Variants in DRD2 observed in about 807,000 individuals in gnomAD.
DRD2 encodes dopamine receptor D2.
DRD2 carries 8 observed loss-of-function variants against 38.0 expected under a neutral mutation model. That is an observed-to-expected ratio of 0.21 (90% CI 0.12 to 0.38). The LOEUF is 0.38. DRD2 is among the 10% of genes least tolerant of loss of function. The pLI, the probability that DRD2 is intolerant of heterozygous loss-of-function variation, is 1.00. For synonymous variants in DRD2, 230 were observed against 238.6 expected, an observed-to-expected ratio of 0.96 and a Z score of 0.33; for missense variants, 403 against 607.7, an observed-to-expected ratio of 0.66 and a Z score of 3.54.
intron 1 of DRD2, among the ~76,000 whole-genome samples, chr11:113,449,145 G>A (rs980539463): frequency 1.6e-4 from 25 of 152,104 alleles, no homozygotes; most frequent in African/African-American, 3.6e-4. Context: ...TGTACCCCTC[G>A]CTTCCCCTCA....
intron 1 of DRD2, among the ~76,000 whole-genome samples, chr11:113,428,806 T>C (rs182146306): frequency 4.6e-5 from 7 of 152,258 alleles, no homozygotes; most frequent in African/African-American, 9.6e-5. Context: ...AAAAATGTTT[T>C]GTAGAGATGG....
intron 7 of DRD2, among the ~76,000 whole-genome samples, chr11:113,411,163 GTACATGGTTTAACAATAAATCCAAAAGGT>G (rs544127728): frequency 3.3e-5 from 5 of 151,764 alleles, no homozygotes; most frequent in African/African-American, 9.6e-5. Context: ...CTAGAAAAGG[GTACATGGTTTAACAATAAATCCAAAAGGT>G]TACCATTCTG....
In DRD2 at chr11:113,475,270, G is replaced by A. The variant is rs994565261; in HGVS notation, c.-226C>T. 6.7e-6 allele frequency: 1 copy of A among 148,646 alleles called. No homozygotes were observed. Among genetic ancestry groups the A allele is most frequent in the Non-Finnish European group, 1.5e-5 (1 of 66,510 alleles). 9.2% of individuals were successfully genotyped at this position (148,646 alleles called of 1,614,324 possible). On this transcript the variant is annotated 5_prime_UTR_variant, in exon 1 of 8. Transcript: ENST00000362072. ...AGCAGCTCGGCCGGCTCTGGCCCGC[G>A]GGGAGCAGTGGACGGGCCGCGGCGG...
At position 113,418,139 on chromosome 11, in the gene DRD2, G is replaced by A; in HGVS notation, c.286-3C>T. ...CTGAATTTCCACTCACCTACCACCT[G>A]GGGACAAAGCAACATAATGGATGGA... On this transcript the variant is annotated splice_region_variant and splice_polypyrimidine_tract_variant and intron_variant, in intron 2 of 7. Coordinates refer to ENST00000362072, the MANE Select transcript of DRD2 (RefSeq NM_000795.4). 1 of 1,612,484 alleles carries A rather than the reference G, an allele frequency of 6.2e-7. No individual in the cohort carries two copies. The highest frequency in any genetic ancestry group is 8.5e-7 in the Non-Finnish European group (1 of 1,178,494).
rs77142532 is a variant in DRD2 at position 113,411,128 on chromosome 11, C to T, written c.1139-208G>A. 0.044 allele frequency among the ~76,000 whole-genome samples: 6,652 copies of T among 152,086 alleles called. 498 individuals carry two copies. Among genetic ancestry groups the T allele is most frequent in the African/African-American group, 0.15 (6,329 of 41,474 alleles). On this transcript the variant is annotated intron_variant, in intron 7 of 7. Coordinates refer to ENST00000362072, the MANE Select transcript of DRD2 (RefSeq NM_000795.4). ...CCCTTCAGCTCCTTCAGCCTCACTT[C>T]CCTCATTTGTCCCTTTCCCACCTCC...
At chr11:113,418,413 A>G (rs1254987763) in intron 2 of DRD2, among the ~76,000 whole-genome samples, 2 of 152,090 alleles carry the variant, frequency 1.3e-5, no homozygotes, top group Non-Finnish European at 2.9e-5. Flanking sequence ...TTAAACCTTA[A>G]TCTCTGCAAC....
At chr11:113,432,361 A>C (rs79771736) in intron 1 of DRD2, among the ~76,000 whole-genome samples, 1 of 146,108 alleles carries the variant, frequency 6.8e-6, no homozygotes, top group Non-Finnish European at 1.5e-5. Context: ...TTTCTATTTC[A>C]TCTGGGGCAC....
chr11:113,418,330 G>T (rs1591276797), intron 2 of DRD2, among the ~76,000 whole-genome samples, 194 bp from the exon 3 acceptor site: 2 of 152,114 alleles, frequency 1.3e-5, no homozygotes, highest in Non-Finnish European at 2.9e-5. Context: ...TCTTCTCCCA[G>T]ATACATAAGA....
At chr11:113,460,376 T>C (rs1951306280) in intron 1 of DRD2, among the ~76,000 whole-genome samples, 1 of 152,250 alleles carries the variant, frequency 6.6e-6, no homozygotes, top group African/African-American at 2.4e-5. Context: ...CAGACTTTCC[T>C]GAGCCACAGA....
intron 1 of DRD2, among the ~76,000 whole-genome samples, chr11:113,436,925 C>T (rs988167356): frequency 3.3e-5 from 5 of 152,108 alleles, no homozygotes; most frequent in African/African-American, 1.2e-4. Flanking sequence ...TTTGATCACT[C>T]CATTGCCCTG....
chr11:113,425,445 G>A (rs1228529563), intron 1 of DRD2, among the ~76,000 whole-genome samples: 1 of 152,222 alleles, frequency 6.6e-6, no homozygotes, highest in Non-Finnish European at 1.5e-5. Context: ...GAGGGACCTG[G>A]CAAGGGTTGA....
At chr11:113,452,178 T>C (rs1307960820) in intron 1 of DRD2, among the ~76,000 whole-genome samples, 6 of 152,128 alleles carry the variant, frequency 3.9e-5, no homozygotes, top group East Asian at 3.9e-4. Context: ...CCAAATCATA[T>C]TGGGACACAG....
rs550649076 is a variant in DRD2 at position 113,415,727 on chromosome 11, C to T, written c.533-116G>A. 1.8e-4 allele frequency: 215 copies of T among 1,168,404 alleles called. 1 individual carries two copies. In the South Asian group the frequency reaches 2.6e-3, roughly 14 times the overall value. 72.4% of individuals were successfully genotyped at this position (1,168,404 alleles called of 1,614,324 possible). Reference sequence around the variant, plus strand: ...GGAGCGATTTTACAGAGAATATGAACGCAACTAGATGTTTAAGGCTGCCTG... The same window carrying T: ...GGAGCGATTTTACAGAGAATATGAATGCAACTAGATGTTTAAGGCTGCCTG... On this transcript the variant is annotated intron_variant, in intron 4 of 7. Transcript: ENST00000362072.
In DRD2 at chr11:113,417,614, A is replaced by T. The variant is rs149824802; in HGVS notation, c.395+413T>A. On this transcript the variant is annotated intron_variant, in intron 3 of 7. Transcript: ENST00000362072. ...ACCCTTGGCCATGTGCCAAGGACATAAAATGCATAACCAGATACTGCAGCT... is the reference window on the plus strand; with the variant it reads ...ACCCTTGGCCATGTGCCAAGGACATTAAATGCATAACCAGATACTGCAGCT... Among the ~76,000 whole-genome samples the T allele has an allele frequency of 4.1e-3, 630 of 152,330 alleles. 6 individuals carry two copies. The highest frequency in any genetic ancestry group is 0.012 in the African/African-American group (516 of 41,574).
At chr11:113,429,257 G>A (rs2138187605) in intron 1 of DRD2, among the ~76,000 whole-genome samples, 1 of 152,072 alleles carries the variant, frequency 6.6e-6, no homozygotes, top group East Asian at 1.9e-4. Context: ...GGGTTTTTTT[G>A]TTATTGAGAT....
chr11:113,433,410 C>A (rs895888298), intron 1 of DRD2, among the ~76,000 whole-genome samples: 1 of 152,208 alleles, frequency 6.6e-6, no homozygotes, highest in Non-Finnish European at 1.5e-5. Flanking sequence ...CAGGTCTGGA[C>A]TAGAGACCTA....
intron 1 of DRD2, among the ~76,000 whole-genome samples, chr11:113,460,598 C>G (rs1368904443): frequency 6.6e-6 from 1 of 152,234 alleles, no homozygotes; most frequent in Non-Finnish European, 1.5e-5. Flanking sequence ...GGGGCAGGCA[C>G]CCTCCCTGGC....
intron 1 of DRD2, among the ~76,000 whole-genome samples, chr11:113,435,338 G>A (rs753982053): frequency 2.6e-5 from 4 of 151,886 alleles, no homozygotes; most frequent in South Asian, 2.1e-4. Flanking sequence ...TGTGGGGGGG[G>A]GTGGGGGAGA....
intron 5 of DRD2, chr11:113,415,178 T>C (rs187037621): frequency 2.8e-5 from 12 of 422,084 alleles, no homozygotes; most frequent in Middle Eastern, 6.2e-4. Context: ...CACAAAGATC[T>C]CCAAGCAAAG....
Sources: allele counts gnomAD v4.1 joint callset (sites outside exome capture counted in the v4.1 genomes callset), GRCh38; gene constraint gnomAD v4.1.1; transcripts MANE v1.5; gene names NCBI Gene and HGNC (gene_info 2026-07-23, HGNC 2026-07-21).